TAS1R2: variants seen among roughly 807,000 people sequenced by gnomAD.
TAS1R2 encodes taste 1 receptor member 2, also known as taste receptor type 1 member 2.
Under a neutral mutation model 49.3 loss-of-function variants are expected in TAS1R2, and 47 were observed. That is an observed-to-expected ratio of 0.95 (90% CI 0.75 to 1.22). The LOEUF (loss-of-function observed/expected upper bound fraction) is 1.22. TAS1R2 is among the 50% of genes most tolerant of loss of function. The pLI, the probability that TAS1R2 is intolerant of heterozygous loss-of-function variation, is 0.00. For missense variants in TAS1R2, 1,155 were observed against 1,122.1 expected (o/e 1.03, Z -0.42); for synonymous variants, 479 against 467.9 (o/e 1.02, Z -0.31).
In TAS1R2 at chr1:18,854,765, G is replaced by C; in HGVS notation, c.705C>G (p.Ala235=). The C allele has an allele frequency of 6.2e-7, 1 of 1,609,820 alleles. No homozygotes were observed. The highest frequency in any genetic ancestry group is 1.7e-5 in the Admixed American group (1 of 59,872). ...GCAGTGTGGGCAGCGTCTCCTGGAA[G>C]GCGATGCAGATGTCGCGCCGGGCCA... The change falls in exon 3 of 6, where the codon GCC becomes GCG. Residue 235 remains alanine (A), a synonymous_variant. Transcript: ENST00000375371. The surrounding 1 kb of genome is among the most constrained non-coding windows in gnomAD (Gnocchi z 4.9).
rs76539818 is a variant in TAS1R2 at position 18,859,462 on chromosome 1, C to A, written c.182+17G>T. 0.027 allele frequency: 43,926 copies of A among 1,613,616 alleles called. 730 individuals are homozygous for A. The highest frequency in any genetic ancestry group is 0.033 in the Non-Finnish European group (39,201 of 1,179,674). On this transcript the variant is annotated intron_variant, in intron 1 of 5. Transcript: ENST00000375371. ...CCCATCCCCACTGCCACTTCCAGCC[C>A]CACACTGGAGACTCACTCCTTGCAC...
rs142169743 is a variant in TAS1R2 at position 18,846,923 on chromosome 1, A to T, written c.1467+2418T>A. Among the ~76,000 whole-genome samples, 221 of 152,258 alleles carry T rather than the reference A, an allele frequency of 1.5e-3. 3 individuals are homozygous for T. Among genetic ancestry groups the T allele is most frequent in the African/African-American group, 5.0e-3 (206 of 41,560 alleles). ...TCTTGGCACTCTCCTCCTGATTGTG[A>T]GTGAGTTCTTGTGAGATCTGGTCGT... On this transcript the variant is annotated intron_variant, in intron 4 of 5. Transcript: ENST00000375371.
chr1:18,848,339 C>T (rs1933959162), intron 4 of TAS1R2, among the ~76,000 whole-genome samples: 1 of 152,016 alleles, frequency 6.6e-6, no homozygotes, highest in Non-Finnish European at 1.5e-5. Flanking sequence ...TAGCACCAGG[C>T]CTGGCACACA....
At chr1:18,839,975 A>G (rs902844862) in exon 6 of TAS1R2, 21 of 1,613,924 alleles carry the variant, frequency 1.3e-5, no homozygotes, top group Non-Finnish European at 1.8e-5. Context: ...GACAATTGTG[A>G]TCTTGGGGTC....
chr1:18,842,002 CT>C, intron 4 of TAS1R2, 150 bp from the exon 5 acceptor site: 1 of 809,820 alleles, frequency 1.2e-6, no homozygotes, highest in Non-Finnish European at 1.8e-6. Flanking sequence ...AAAAAAAACT[CT>C]CATGCTTCTA....
At chr1:18,841,836 C>T in exon 5 of TAS1R2, 2 of 1,611,332 alleles carry the variant, frequency 1.2e-6, no homozygotes, top group Non-Finnish European at 1.7e-6. Context: ...CCTCTTGGAA[C>T]ACATGGACAT....
At chr1:18,843,402 C>T (rs1436809001) in intron 4 of TAS1R2, among the ~76,000 whole-genome samples, 1 of 152,142 alleles carries the variant, frequency 6.6e-6, no homozygotes, top group East Asian at 1.9e-4. Flanking sequence ...GACATCCATT[C>T]TAAGATAATA....
Position 18,854,982 on chromosome 1 carries a change from G to A in TAS1R2, c.488C>T (p.Thr163Ile), listed in dbSNP as rs762811246. The change falls in exon 3 of 6, where the codon ACC (threonine) becomes ATC (isoleucine). Residue 163 changes from threonine to isoleucine, a missense_variant. Physicochemically the swap from Thr to Ile is moderately conservative, Grantham distance 89 (BLOSUM62 -1). Coordinates refer to ENST00000375371, the Ensembl canonical transcript of TAS1R2. The surrounding 1 kb of genome is among the most constrained non-coding windows in gnomAD (Gnocchi z 4.9). ...CAGCTCATCGCTGATGGCGCTGTAG[G>A]TGATCTGCAAGGGGAAGGGCTGTGG... The A allele has an allele frequency of 6.2e-6, 10 of 1,602,900 alleles. No homozygotes were observed. Among genetic ancestry groups the A allele is most frequent in the Non-Finnish European group, 8.5e-6 (10 of 1,170,948 alleles).
Sources: allele counts gnomAD v4.1 joint callset (sites outside exome capture counted in the v4.1 genomes callset), GRCh38; gene constraint gnomAD v4.1.1; non-coding constraint Gnocchi (gnomAD v3.1); transcripts MANE v1.5; gene names NCBI Gene and HGNC (gene_info 2026-07-23, HGNC 2026-07-21).